PTGFRN: variants seen among roughly 807,000 people sequenced by gnomAD.
The protein encoded by PTGFRN is prostaglandin F2 receptor negative regulator.
In PTGFRN, 35 loss-of-function variants were observed where a neutral mutation model predicts 83.2. The observed-to-expected ratio is 0.42, with a 90% CI of 0.32 to 0.56. The LOEUF is 0.56. Among genes scored for constraint, PTGFRN ranks in the 20% least tolerant of loss-of-function variants. The pLI is 0.11. For synonymous variants in PTGFRN, 519 were observed against 498.6 expected (o/e 1.04, Z -0.55); for missense variants, 1,051 against 1,179.5 (o/e 0.89, Z 1.60).
chr1:116,964,075 G>T (rs935978949), intron 5 of PTGFRN, among the ~76,000 whole-genome samples: 1 of 129,190 alleles, frequency 7.7e-6, no homozygotes, highest in African/African-American at 3.2e-5. Context: ...CCACCGTGCC[G>T]GGCGCCCCCC....
chr1:116,983,606 T>C (rs1444949408), intron 7 of PTGFRN, among the ~76,000 whole-genome samples: 2 of 152,146 alleles, frequency 1.3e-5, no homozygotes, highest in African/African-American at 4.8e-5. Flanking sequence ...GAATTATCAT[T>C]TGGATAATTT....
rs963200930 is a variant in PTGFRN, at chr1:116,916,056, C to G, written c.49+5804C>G. ...TGTCGTGTCCCAGCAATATGCGTTT[C>G]CAGTAGGCTGGAGATCATGGCTCTG... is the stretch of plus-strand genomic sequence containing the variant. On this transcript the variant is annotated intron_variant, in intron 1 of 8. Transcript: ENST00000393203. Among the ~76,000 whole-genome samples the G allele has an allele frequency of 3.3e-5, 5 of 152,308 alleles. No individual in the cohort carries two copies. In the East Asian group the frequency reaches 9.6e-4, roughly 29 times the overall value.
At chr1:116,973,700 C>T (rs1175261527) in intron 6 of PTGFRN, among the ~76,000 whole-genome samples, 1 of 152,042 alleles carries the variant, frequency 6.6e-6, no homozygotes, top group African/African-American at 2.4e-5. Context: ...CACCACACCT[C>T]ATAGAAATAT....
rs543571802 is a variant in PTGFRN at position 116,990,249 on chromosome 1, A to G, written c.*3282A>G. On this transcript the variant is annotated 3_prime_UTR_variant, in exon 9 of 9. Transcript: ENST00000393203. ...GAAAGGATCTTGTGTATTTTTGTCCATATCCAATGTTATATGAACTAATTG... is the reference window on the plus strand; with the variant it reads ...GAAAGGATCTTGTGTATTTTTGTCCGTATCCAATGTTATATGAACTAATTG... 6.5e-6 allele frequency: 1 copy of G among 152,798 alleles called. No homozygotes were observed. The highest frequency in any genetic ancestry group is 2.1e-4 in the South Asian group (1 of 4,834). The allele number at this position is 152,798 out of a possible 1,614,324, so 9.5% of individuals were successfully genotyped here. A position where few individuals can be genotyped will look rare whatever the true frequency, so the allele number is the denominator to read the frequency against.
chr1:116,960,563 C>T (rs1650621863), intron 4 of PTGFRN, among the ~76,000 whole-genome samples: 2 of 152,192 alleles, frequency 1.3e-5, no homozygotes, highest in East Asian at 1.9e-4. Context: ...GCAAGATTCA[C>T]AGTGACACAG....
chr1:116,914,543 G>A (rs759214060), intron 1 of PTGFRN, among the ~76,000 whole-genome samples: 20 of 152,156 alleles, frequency 1.3e-4, no homozygotes, highest in Non-Finnish European at 2.8e-4. Context: ...TTGAGATCAG[G>A]AGATCGAGAC....
chr1:116,960,536 A>C (rs1255915321), intron 4 of PTGFRN, among the ~76,000 whole-genome samples: 1 of 152,186 alleles, frequency 6.6e-6, no homozygotes, highest in African/African-American at 2.4e-5. Flanking sequence ...CTGCAGGGAC[A>C]TGGGGTGCTC....
At chr1:116,939,135 G>A (rs1401607248) in intron 1 of PTGFRN, among the ~76,000 whole-genome samples, 3 of 152,236 alleles carry the variant, frequency 2.0e-5, no homozygotes, top group African/African-American at 7.2e-5. Flanking sequence ...GGTGCAAGCT[G>A]TTGGTGGATC....
intron 7 of PTGFRN, among the ~76,000 whole-genome samples, chr1:116,977,042 A>G (rs1173794516): frequency 6.6e-6 from 1 of 152,190 alleles, no homozygotes; most frequent in Non-Finnish European, 1.5e-5. Context: ...TACCAAGCAA[A>G]TGGAAACAAA....
Position 116,984,729 on chromosome 1 carries a change from G to A in PTGFRN, c.2217G>A (p.Leu739=), listed in dbSNP as rs535371180. Residue 739 remains leucine, a synonymous_variant, in exon 8 of 9, where the codon CTG becomes CTA. Transcript: ENST00000393203. ...GGTTTGCGGTGCACTCTTTTGGCCTGGACAAGGCTCCTGTGCTCCTGTCTT... is the reference window on the plus strand; with the variant it reads ...GGTTTGCGGTGCACTCTTTTGGCCTAGACAAGGCTCCTGTGCTCCTGTCTT... ...VSWFAVHSFG[L]DKAPVLLSSL... 1 of 1,614,168 alleles carries A rather than the reference G, an allele frequency of 6.2e-7. No homozygotes were observed. The highest frequency in any genetic ancestry group is 1.3e-5 in the African/African-American group (1 of 75,048).
chr1:116,917,004 C>G (rs934189203), intron 1 of PTGFRN, among the ~76,000 whole-genome samples: 2 of 151,948 alleles, frequency 1.3e-5, no homozygotes, highest in Admixed American at 6.6e-5. Flanking sequence ...AGTCAGGGAA[C>G]GGAAGAAGTA....
intron 4 of PTGFRN, among the ~76,000 whole-genome samples, chr1:116,957,620 G>A (rs964985152): frequency 1.3e-5 from 2 of 152,000 alleles, no homozygotes; most frequent in African/African-American, 4.8e-5. Context: ...ATAATTTTTT[G>A]TGCTGAGAAT....
At position 116,910,123 on chromosome 1, in the gene PTGFRN, G is replaced by A. The variant is rs1649220284; in HGVS notation, c.-81G>A. On this transcript the variant is annotated 5_prime_UTR_variant, in exon 1 of 9. Transcript: ENST00000393203. Reference sequence around the variant, plus strand: ...CAGGCGGAGGAGCGCCGACTCTGGAGCAGCCGGAGCTGGAAGAGGAGGAGG... The same window carrying A: ...CAGGCGGAGGAGCGCCGACTCTGGAACAGCCGGAGCTGGAAGAGGAGGAGG... 6.9e-7 allele frequency: 1 copy of A among 1,440,628 alleles called. No homozygotes were observed. The highest frequency in any genetic ancestry group is 9.4e-7 in the Non-Finnish European group (1 of 1,069,182). The allele number at this position is 1,440,628 out of a possible 1,614,324, so 89.2% of individuals were successfully genotyped here.
intron 1 of PTGFRN, among the ~76,000 whole-genome samples, chr1:116,935,484 G>T (rs2767325): frequency 2.6e-5 from 4 of 151,998 alleles, no homozygotes; most frequent in East Asian, 1.9e-4. Context: ...GTGGGAGTGA[G>T]GGTGGGGGCA....
intron 1 of PTGFRN, among the ~76,000 whole-genome samples, chr1:116,926,028 A>G (rs1649649890): frequency 6.6e-6 from 1 of 152,126 alleles, no homozygotes; most frequent in Non-Finnish European, 1.5e-5. Flanking sequence ...CTCATCACCC[A>G]TGGCTTCTAG....
chr1:116,957,113 C>CTCTCTCTCTCTT (rs946939549), intron 4 of PTGFRN, among the ~76,000 whole-genome samples: 6 of 151,364 alleles, frequency 4.0e-5, no homozygotes, highest in East Asian at 3.9e-4. Flanking sequence ...AACTCTCTCT[C>CTCTCTCTCTCTT]TCTCTCTCTC....
intron 7 of PTGFRN, among the ~76,000 whole-genome samples, chr1:116,978,358 C>T (rs1651217093): frequency 6.6e-6 from 1 of 152,132 alleles, no homozygotes; most frequent in Non-Finnish European, 1.5e-5. Context: ...GGGAATCCTC[C>T]CTAACTCATT....
At chr1:116,974,444 C>T in intron 7 of PTGFRN, 121 bp downstream of exon 7, 1 of 732,314 alleles carries the variant, frequency 1.4e-6, no homozygotes, top group Non-Finnish European at 2.3e-6. Flanking sequence ...CCCCTAACTG[C>T]CTGGCCCAGT....
rs1481753712 is a variant in PTGFRN at position 116,987,099 on chromosome 1, T to C, written c.*132T>C. On this transcript the variant is annotated 3_prime_UTR_variant, in exon 9 of 9. Transcript: ENST00000393203. ...TCTAATCTCAGGTGGGACTTGGCGC[T>C]CTCTCTTTTCTGCATGTCAAGTTCT... 1.9e-6 allele frequency: 2 copies of C among 1,029,772 alleles called. No individual in the cohort carries two copies. The highest frequency in any genetic ancestry group is 1.6e-5 in the African/African-American group (1 of 62,544). 63.8% of individuals were successfully genotyped at this position (1,029,772 alleles called of 1,614,324 possible). A position where few individuals can be genotyped will look rare whatever the true frequency, so the allele number is the denominator to read the frequency against.
Sources: gnomAD v4.1 joint callset for allele counts (sites outside exome capture counted in the v4.1 genomes callset) on GRCh38, gnomAD v4.1.1 for gene constraint, MANE v1.5 for transcripts, NCBI Gene and HGNC (gene_info 2026-07-23, HGNC 2026-07-21) for gene names.